The following RASEF variants were observed in gnomAD, a reference collection of about 807,000 sequenced individuals.
The protein encoded by RASEF is RAS and EF-hand domain containing, also known as ras and EF-hand domain-containing protein.
Under a neutral mutation model 90.1 loss-of-function variants are expected in RASEF, and 68 were observed. The ratio of observed to expected loss-of-function variants is 0.75; its 90% CI spans 0.62 to 0.92. The LOEUF is 0.92. Ranked by LOEUF, RASEF falls within the 40% of genes least tolerant of loss-of-function variation. The probability of loss-of-function intolerance (pLI) is 0.00; values close to 1 mark genes in which losing one functional copy is unlikely to be tolerated. For missense variants in RASEF, 949 were observed against 937.2 expected (o/e 1.01, Z -0.16); for synonymous variants, 331 against 345.2 (o/e 0.96, Z 0.46).
rs200394060 is a variant in RASEF at position 83,037,311 on chromosome 9, CA to C, written c.432-11391del. 1.5e-3 allele frequency among the ~76,000 whole-genome samples: 219 copies of C among 144,984 alleles called. 1 individual carries two copies. Among genetic ancestry groups the C allele is most frequent in the African/African-American group, 3.9e-3 (155 of 39,976 alleles). ...TTTATATCAATGCAATGAGATGCTT[CA>C]AAAAAAAAAATAAACAGTTGCATCA... is the stretch of plus-strand genomic sequence containing the variant. On this transcript the variant is annotated intron_variant, in intron 1 of 16. Coordinates refer to ENST00000376447, the MANE Select transcript of RASEF (RefSeq NM_152573.4).
chr9:83,084,666 G>A, the RASEF span, among the ~76,000 whole-genome samples: 11 of 152,082 alleles, frequency 7.2e-5, no homozygotes, highest in Admixed American at 3.3e-4. Context: ...TTTCCCACCC[G>A]TCTGTATCCT....
chr9:83,042,630 G>C (rs1409513505), intron 1 of RASEF, among the ~76,000 whole-genome samples: 2 of 151,976 alleles, frequency 1.3e-5, no homozygotes, highest in African/African-American at 2.4e-5. Context: ...AATGGAACAG[G>C]AGTAAAACTA....
chr9:83,186,345 A>G, the RASEF span, among the ~76,000 whole-genome samples: 16 of 152,118 alleles, frequency 1.1e-4, no homozygotes, highest in Admixed American at 2.6e-4. Context: ...GCGTCCCTAC[A>G]TTTCATGTTG....
At position 82,993,022 on chromosome 9, in the gene RASEF, C is replaced by T. The variant is rs1028297274; in HGVS notation, c.1924G>A (p.Ala642Thr). 1 of 1,612,516 alleles carries T rather than the reference C, an allele frequency of 6.2e-7. No homozygotes were observed. The highest frequency in any genetic ancestry group is 1.3e-5 in the African/African-American group (1 of 74,810). The change falls in exon 15 of 17, where the codon GCA becomes ACA. Residue 642 changes from alanine (A) to threonine (T), a missense_variant. Physicochemically the swap from Ala to Thr is moderately conservative, Grantham distance 58. Around this residue, in one of 3 missense-constraint regions of RASEF, gnomAD observed 288 missense variants for 328.4 expected, o/e 0.88. Transcript: ENST00000376447. ...ATAATGGGAACAGTCTCATGGGCTG[C>T]ATCCTACCAGGAAGAAAAAAAAAAT... ...IREWVDMIEDAAHETVPIMLV... is the reference protein window; with the variant it reads ...IREWVDMIEDTAHETVPIMLV...
At chr9:83,103,952 A>T in the RASEF span, among the ~76,000 whole-genome samples, 1 of 152,218 alleles carries the variant, frequency 6.6e-6, no homozygotes, top group Non-Finnish European at 1.5e-5. Context: ...AATTTCCCCA[A>T]TCAAAGGCCC....
chr9:83,048,179 A>G, intron 1 of RASEF: 1 of 985,372 alleles, frequency 1.0e-6, no homozygotes, highest in Middle Eastern at 5.2e-4. Flanking sequence ...CCCACAGTGT[A>G]GTAAGAGCGG....
intron 9 of RASEF, 29 bp downstream of exon 9, chr9:83,004,469 G>A: frequency 8.7e-6 from 12 of 1,372,910 alleles, no homozygotes; most frequent in Non-Finnish European, 1.2e-5. Flanking sequence ...TTCTGAACTT[G>A]AACAGAAAGT....
chr9:83,092,795 G>C, the RASEF span, among the ~76,000 whole-genome samples: 2 of 152,066 alleles, frequency 1.3e-5, no homozygotes, highest in African/African-American at 2.4e-5. Flanking sequence ...TGATTGGTGC[G>C]TTTACAATCC....
the RASEF span, among the ~76,000 whole-genome samples, chr9:83,117,698 A>C: frequency 6.6e-6 from 1 of 152,180 alleles, no homozygotes; most frequent in Non-Finnish European, 1.5e-5. Context: ...ATCCTACCTT[A>C]GTGGGTGAAT....
chr9:83,089,133 T>G, the RASEF span, among the ~76,000 whole-genome samples: 2 of 152,004 alleles, frequency 1.3e-5, no homozygotes, highest in Non-Finnish European at 2.9e-5. Flanking sequence ...ATAATCAAGT[T>G]CAAATTAATA....
chr9:83,203,465 G>T, the RASEF span, among the ~76,000 whole-genome samples: 1 of 151,784 alleles, frequency 6.6e-6, no homozygotes, highest in African/African-American at 2.4e-5. Context: ...TAGTAGAGAC[G>T]GGGTTTCATC....
the RASEF span, among the ~76,000 whole-genome samples, chr9:83,203,361 C>T: frequency 2.6e-5 from 4 of 151,782 alleles, no homozygotes; most frequent in Non-Finnish European, 5.9e-5. Context: ...CTGCTACCTA[C>T]GCCTCCCAGG....
chr9:83,102,724 A>G, the RASEF span, among the ~76,000 whole-genome samples: 1 of 152,142 alleles, frequency 6.6e-6, no homozygotes, highest in African/African-American at 2.4e-5. Flanking sequence ...AAGCTTGGCT[A>G]GTTTGAGTAA....
At chr9:83,034,864 G>A (rs1460019680) in intron 1 of RASEF, among the ~76,000 whole-genome samples, 1 of 152,194 alleles carries the variant, frequency 6.6e-6, no homozygotes, top group African/African-American at 2.4e-5. Context: ...CCACCTAAGG[G>A]TAGCAAAGGG....
At chr9:83,116,352 T>G in the RASEF span, among the ~76,000 whole-genome samples, 1 of 152,192 alleles carries the variant, frequency 6.6e-6, no homozygotes. Flanking sequence ...AATAAGCTAT[T>G]ATGCAATTCA....
intron 5 of RASEF, 99 bp from the exon 6 acceptor site, chr9:83,009,855 C>T (rs868767049): frequency 8.2e-6 from 5 of 606,490 alleles, no homozygotes; most frequent in African/African-American, 7.3e-5. Flanking sequence ...CCACTCTCAC[C>T]CTTCCACAAC....
At chr9:83,025,129 A>G (rs559007050) in intron 2 of RASEF, among the ~76,000 whole-genome samples, 1 of 152,362 alleles carries the variant, frequency 6.6e-6, no homozygotes, top group South Asian at 2.1e-4. Flanking sequence ...TGTTAACACC[A>G]AAAAGATATC....
the RASEF span, among the ~76,000 whole-genome samples, chr9:83,155,388 A>G: frequency 6.6e-6 from 1 of 152,192 alleles, no homozygotes; most frequent in Non-Finnish European, 1.5e-5. Context: ...CCTCACAATC[A>G]TGGCAGAAGG....
At chr9:83,066,112 A>G (rs1198840341), upstream of RASEF, among the ~76,000 whole-genome samples, 1 of 152,202 alleles carries the variant, frequency 6.6e-6, no homozygotes, top group African/African-American at 2.4e-5. Flanking sequence ...GACTACATAG[A>G]TCAAATATTT....
Sources: allele counts gnomAD v4.1 joint callset (sites outside exome capture counted in the v4.1 genomes callset), GRCh38; gene constraint gnomAD v4.1.1; regional missense constraint gnomAD v4.1.1; transcripts MANE v1.5; gene names NCBI Gene and HGNC (gene_info 2026-07-23, HGNC 2026-07-21).